Variants in CECR2 observed in about 807,000 individuals in gnomAD.
The protein encoded by CECR2 is CECR2 histone acetyl-lysine reader, also known as chromatin remodeling regulator CECR2.
CECR2 carries 30 observed loss-of-function variants against 154.5 expected under a neutral mutation model. The ratio of observed to expected loss-of-function variants is 0.19; its 90% CI spans 0.15 to 0.26. CECR2 has a LOEUF of 0.26. Among genes scored for constraint, CECR2 ranks in the 10% least tolerant of loss-of-function variants. The pLI is 1.00. For missense variants in CECR2, 1,743 were observed against 1,829.3 expected (o/e 0.95, Z 0.86); for synonymous variants, 725 against 683.7 (o/e 1.06, Z -0.94).
intron 1 of CECR2, among the ~76,000 whole-genome samples, chr22:17,397,700 T>C (rs1250673128): frequency 6.6e-6 from 1 of 152,048 alleles, no homozygotes; most frequent in African/African-American, 2.4e-5. Context: ...GGTTTCACTG[T>C]GTTAGCCAGG....
chr22:17,463,535 GA>G (rs1305799708), intron 1 of CECR2, among the ~76,000 whole-genome samples: 4 of 152,104 alleles, frequency 2.6e-5, no homozygotes, highest in African/African-American at 9.7e-5. Flanking sequence ...GACTAGATGT[GA>G]AAAGAGAGAA....
At chr22:17,493,168 C>T (rs890314861) in intron 2 of CECR2, among the ~76,000 whole-genome samples, 2 of 152,052 alleles carry the variant, frequency 1.3e-5, no homozygotes, top group Non-Finnish European at 2.9e-5. Flanking sequence ...GACAGGCTTT[C>T]TCTGTGTTGG....
At position 17,549,386 on chromosome 22, in the gene CECR2, G is replaced by A. The variant is rs1448463762; in HGVS notation, c.4099G>A (p.Val1367Met). The change falls in exon 17 of 19, where the codon GTG (valine) becomes ATG (methionine). Residue 1367 changes from valine (V) to methionine (M), a missense_variant. Coordinates refer to ENST00000262608, the MANE Select transcript of CECR2 (RefSeq NM_001290047.2). ...TCAGCCCAGGGCTTACTCTTCCCCTGTGGCTGCCCTCCCACCTCACCACCC... is the reference window on the plus strand; with the variant it reads ...TCAGCCCAGGGCTTACTCTTCCCCTATGGCTGCCCTCCCACCTCACCACCC... ...HFQPRAYSSP[V>M]AALPPHHPGA... 3 of 1,613,910 alleles carry A rather than the reference G, an allele frequency of 1.9e-6. No individual in the cohort carries two copies. Among genetic ancestry groups the A allele is most frequent in the Non-Finnish European group, 2.5e-6 (3 of 1,179,866 alleles).
At position 17,548,334 on chromosome 22, in the gene CECR2, G is replaced by T. The variant is rs2056647230; in HGVS notation, c.3047G>T (p.Cys1016Phe). The change falls in exon 17 of 19, where the codon TGT becomes TTT. Residue 1016 changes from cysteine (C) to phenylalanine (F), a missense_variant. Coordinates refer to ENST00000262608, the MANE Select transcript of CECR2 (RefSeq NM_001290047.2). ...KSSSSESADN[C>F]KAMKGKNPWP... ...AGCTCCTCCGAATCTGCGGACAACTGTAAAGCAATGAAGGGCAAGAATCCC... is the reference window on the plus strand; with the variant it reads ...AGCTCCTCCGAATCTGCGGACAACTTTAAAGCAATGAAGGGCAAGAATCCC... 6.2e-7 allele frequency: 1 copy of T among 1,612,026 alleles called. No homozygotes were observed. The highest frequency in any genetic ancestry group is 1.3e-5 in the African/African-American group (1 of 74,972).
At chr22:17,545,687 A>G (rs1369681381) in intron 16 of CECR2, among the ~76,000 whole-genome samples, 3 of 151,804 alleles carry the variant, frequency 2.0e-5, no homozygotes, top group Admixed American at 2.0e-4. Flanking sequence ...TACTAAAAAT[A>G]CAAAAATCAG....
At chr22:17,408,729 A>G (rs955707977) in intron 1 of CECR2, among the ~76,000 whole-genome samples, 1 of 152,208 alleles carries the variant, frequency 6.6e-6, no homozygotes, top group African/African-American at 2.4e-5. Flanking sequence ...AAACATGAAT[A>G]TATTTTGGGT....
At chr22:17,369,153 C>A (rs1465041209), upstream of CECR2, among the ~76,000 whole-genome samples, 1 of 151,752 alleles carries the variant, frequency 6.6e-6, no homozygotes, top group Admixed American at 6.6e-5. Flanking sequence ...CCACTCAGGC[C>A]AAGTGGGGGT....
In CECR2 at chr22:17,551,912, G is replaced by A. The variant is rs1004179192; in HGVS notation, c.4278-119G>A. ...AATGTCGAGTTGTCCCAGTATGGAT[G>A]ATTCCAGGCCTGATCACCGGGGTGA... On this transcript the variant is annotated intron_variant, in intron 17 of 18. Coordinates refer to ENST00000262608, the MANE Select transcript of CECR2 (RefSeq NM_001290047.2). 43 of 918,012 alleles carry A rather than the reference G, an allele frequency of 4.7e-5. 1 individual carries two copies. In the South Asian group the frequency reaches 6.7e-4, roughly 14 times the overall value. 56.9% of individuals were successfully genotyped at this position (918,012 alleles called of 1,614,324 possible). A position where few individuals can be genotyped will look rare whatever the true frequency, so the allele number is the denominator to read the frequency against.
chr22:17,538,751 T>G lies in CECR2; in HGVS notation c.1368+20T>G. The G allele has an allele frequency of 6.4e-7, 1 of 1,574,386 alleles. No homozygotes were observed. Among genetic ancestry groups the G allele is most frequent in the Non-Finnish European group, 8.7e-7 (1 of 1,144,108 alleles). On this transcript the variant is annotated intron_variant, in intron 12 of 18. Coordinates refer to ENST00000262608, the MANE Select transcript of CECR2 (RefSeq NM_001290047.2). ...ATTAAGGTAGAAGTTGTCTTTGCAGTAATGCCTACTATAGTGTGTATATCT... is the reference window on the plus strand; with the variant it reads ...ATTAAGGTAGAAGTTGTCTTTGCAGGAATGCCTACTATAGTGTGTATATCT...
intron 1 of CECR2, among the ~76,000 whole-genome samples, chr22:17,361,962 G>A (rs1487914690): frequency 2.6e-5 from 4 of 152,168 alleles, no homozygotes; most frequent in Non-Finnish European, 5.9e-5. Flanking sequence ...GAAGGGGTGA[G>A]TTGGGAGACA....
At chr22:17,401,363 CATAT>C (rs566162910) in intron 1 of CECR2, among the ~76,000 whole-genome samples, 1 of 152,122 alleles carries the variant, frequency 6.6e-6, no homozygotes, top group Non-Finnish European at 1.5e-5. Context: ...CAAGTTTTGA[CATAT>C]ATATACACAC....
chr22:17,454,081 T>C (rs2054815048), intron 1 of CECR2, among the ~76,000 whole-genome samples: 1 of 152,224 alleles, frequency 6.6e-6, no homozygotes, highest in African/African-American at 2.4e-5. Context: ...ATTTGTAAAA[T>C]GGACCAGTGC....
At chr22:17,445,592 T>G in intron 1 of CECR2, among the ~76,000 whole-genome samples, 1 of 134,308 alleles carries the variant, frequency 7.4e-6, no homozygotes, top group African/African-American at 2.9e-5. Context: ...ATTATTATTA[T>G]TTGAGGCAGA....
At chr22:17,428,552 G>C (rs1026527694) in intron 1 of CECR2, 1 of 152,146 alleles carries the variant, frequency 6.6e-6, no homozygotes, top group East Asian at 1.9e-4. Context: ...TAAGATAAAA[G>C]CATGATTATT....
At chr22:17,421,076 C>A (rs561114975) in intron 1 of CECR2, among the ~76,000 whole-genome samples, 2 of 152,312 alleles carry the variant, frequency 1.3e-5, no homozygotes, top group South Asian at 2.1e-4. Context: ...TTTGAACACA[C>A]CCATTAGCTA....
chr22:17,440,775 C>G (rs1317250430), intron 1 of CECR2, among the ~76,000 whole-genome samples: 1 of 152,210 alleles, frequency 6.6e-6, no homozygotes, highest in Non-Finnish European at 1.5e-5. Context: ...TACCCCTCCA[C>G]TCCTTTCTCA....
At chr22:17,516,065 A>G (rs1381832463) in intron 8 of CECR2, among the ~76,000 whole-genome samples, 3 of 152,132 alleles carry the variant, frequency 2.0e-5, no homozygotes, top group Non-Finnish European at 4.4e-5. Flanking sequence ...ATACCTTCCT[A>G]TATTATATAT....
intron 7 of CECR2, among the ~76,000 whole-genome samples, chr22:17,505,694 G>A (rs1601477292): frequency 1.3e-5 from 2 of 150,786 alleles, no homozygotes; most frequent in Non-Finnish European, 3.0e-5. Flanking sequence ...CCACCACCAC[G>A]CCCAGCTAAT....
At chr22:17,525,862 A>C (rs2056256360) in intron 9 of CECR2, among the ~76,000 whole-genome samples, 1 of 152,154 alleles carries the variant, frequency 6.6e-6, no homozygotes, top group Non-Finnish European at 1.5e-5. Context: ...TTTATGGCTC[A>C]GTTTCTGTAA....
Sources: gnomAD v4.1 joint callset for allele counts (sites outside exome capture counted in the v4.1 genomes callset) on GRCh38, gnomAD v4.1.1 for gene constraint, MANE v1.5 for transcripts, NCBI Gene and HGNC (gene_info 2026-07-23, HGNC 2026-07-21) for gene names.